Variants in NBAS observed in about 807,000 individuals in gnomAD.
NBAS encodes the protein NAG/BC035112 fusion.
Under a neutral mutation model 302.5 loss-of-function variants are expected in NBAS, and 219 were observed. The ratio of observed to expected loss-of-function variants is 0.72; its 90% CI spans 0.65 to 0.81. NBAS has a LOEUF of 0.81. Ranked by LOEUF, NBAS falls within the 30% of genes least tolerant of loss-of-function variation. The probability of loss-of-function intolerance (pLI) is 0.00; values close to 1 mark genes in which losing one functional copy is unlikely to be tolerated. For missense variants in NBAS, 2,932 were observed against 2,841.6 expected (o/e 1.03, Z -0.72); for synonymous variants, 1,118 against 1,021.6 (o/e 1.09, Z -1.80).
At chr2:15,370,526 A>G (rs1674431083) in intron 31 of NBAS, among the ~76,000 whole-genome samples, 1 of 152,310 alleles carries the variant, frequency 6.6e-6, no homozygotes, top group South Asian at 2.1e-4. Context: ...CAAACTCCTG[A>G]GCTCAAGCAA....
chr2:14,946,356 A>G, the NBAS span, among the ~76,000 whole-genome samples: 1 of 152,140 alleles, frequency 6.6e-6, no homozygotes, highest in African/African-American at 2.4e-5. Flanking sequence ...AAAACATATA[A>G]AAGACCTCCA....
At chr2:14,850,881 C>T in the NBAS span, among the ~76,000 whole-genome samples, 8 of 130,624 alleles carry the variant, frequency 6.1e-5, no homozygotes, top group South Asian at 7.4e-4. Context: ...TTGAAACCAA[C>T]GAGAACAAAG....
intron 35 of NBAS, among the ~76,000 whole-genome samples, chr2:15,341,790 A>T (rs1672865411): frequency 6.6e-6 from 1 of 152,184 alleles, no homozygotes; most frequent in African/African-American, 2.4e-5. Context: ...ATATCAAGCT[A>T]TCAAATAAGT....
chr2:15,087,049 CA>C, the NBAS span, among the ~76,000 whole-genome samples: 1 of 151,612 alleles, frequency 6.6e-6, no homozygotes, highest in African/African-American at 2.4e-5. Context: ...ACTGGAACAT[CA>C]TTTTTTTCCC....
intron 44 of NBAS, among the ~76,000 whole-genome samples, chr2:15,270,313 C>A (rs896962150): frequency 6.6e-6 from 1 of 151,952 alleles, no homozygotes; most frequent in East Asian, 1.9e-4. Flanking sequence ...TACAGGCATG[C>A]GCCATCATGC....
the NBAS span, among the ~76,000 whole-genome samples, chr2:14,883,620 A>G: frequency 2.6e-5 from 4 of 152,200 alleles, no homozygotes; most frequent in South Asian, 8.3e-4. Flanking sequence ...CCGTCACTAC[A>G]GGTAGCACAT....
chr2:15,135,369 C>A, the NBAS span, among the ~76,000 whole-genome samples: 9 of 152,180 alleles, frequency 5.9e-5, no homozygotes, highest in African/African-American at 2.2e-4. Context: ...GCACCCCAGG[C>A]AGATGAGCTA....
the NBAS span, among the ~76,000 whole-genome samples, chr2:14,994,215 C>T: frequency 1.3e-5 from 2 of 152,136 alleles, no homozygotes; most frequent in Non-Finnish European, 2.9e-5. Context: ...ACTGAATTGC[C>T]TTAAGCTTAA....
the NBAS span, among the ~76,000 whole-genome samples, chr2:15,034,240 G>A: frequency 2.5e-5 from 2 of 80,572 alleles, no homozygotes; most frequent in African/African-American, 1.1e-4. Flanking sequence ...AAGAAGGAAA[G>A]AAAGAAAGAA....
At chr2:15,059,195 C>A in the NBAS span, among the ~76,000 whole-genome samples, 1 of 152,104 alleles carries the variant, frequency 6.6e-6, no homozygotes, top group Admixed American at 6.5e-5. Flanking sequence ...GATACAGAGA[C>A]AATTTGTAAA....
downstream of NBAS, among the ~76,000 whole-genome samples, chr2:15,162,044 T>C (rs1443753655): frequency 1.3e-5 from 2 of 152,182 alleles, no homozygotes; most frequent in South Asian, 2.1e-4. Context: ...GACACTATTG[T>C]TGTTTGAGCC....
At chr2:15,327,664 C>T in intron 38 of NBAS, 86 bp downstream of exon 38, 4 of 1,527,438 alleles carry the variant, frequency 2.6e-6, no homozygotes, top group South Asian at 1.2e-5. Flanking sequence ...ATTTCTTTTC[C>T]AAACTCTTGT....
chr2:15,170,586 C>G (rs535325777), intron 51 of NBAS, among the ~76,000 whole-genome samples: 1 of 152,186 alleles, frequency 6.6e-6, no homozygotes, highest in Non-Finnish European at 1.5e-5. Context: ...GTGCTGGAAA[C>G]GCAGGGTGGG....
chr2:15,162,552 G>A (rs890302058), downstream of NBAS, among the ~76,000 whole-genome samples: 2 of 152,254 alleles, frequency 1.3e-5, no homozygotes, highest in East Asian at 1.9e-4. Flanking sequence ...CCTGATTCCC[G>A]TCTCACAGCT....
chr2:15,249,197 G>A (rs1167019611), intron 44 of NBAS, among the ~76,000 whole-genome samples: 3 of 151,456 alleles, frequency 2.0e-5, no homozygotes, highest in African/African-American at 7.3e-5. Context: ...CACATAAACA[G>A]AACCAATGAA....
chr2:15,241,208 T>C (rs866128999), intron 44 of NBAS, among the ~76,000 whole-genome samples: 6 of 152,324 alleles, frequency 3.9e-5, no homozygotes, highest in Middle Eastern at 6.8e-3. Context: ...ATTATATTCA[T>C]ATTTGTTTCC....
chr2:14,890,307 T>A, the NBAS span, among the ~76,000 whole-genome samples: 1 of 152,202 alleles, frequency 6.6e-6, no homozygotes, highest in Non-Finnish European at 1.5e-5. Flanking sequence ...TGTATTATGA[T>A]GTAAGATAGA....
intron 28 of NBAS, among the ~76,000 whole-genome samples, chr2:15,389,168 C>T (rs1021628860): frequency 9.2e-5 from 14 of 152,150 alleles, no homozygotes; most frequent in Non-Finnish European, 1.3e-4. Flanking sequence ...ATGATAGCCA[C>T]GAGAGGGTAG....
At chr2:14,818,432 T>C in the NBAS span, among the ~76,000 whole-genome samples, 2 of 152,176 alleles carry the variant, frequency 1.3e-5, no homozygotes, top group East Asian at 3.8e-4. Flanking sequence ...TCATCATGAA[T>C]TTGCAGAACA....
Sources: gnomAD v4.1 joint callset for allele counts (sites outside exome capture counted in the v4.1 genomes callset) on GRCh38, gnomAD v4.1.1 for gene constraint, MANE v1.5 for transcripts, NCBI Gene and HGNC (gene_info 2026-07-23, HGNC 2026-07-21) for gene names.